Variants in ITGA9 observed in about 807,000 individuals in gnomAD.
The protein encoded by ITGA9 is integrin subunit alpha 9, also known as integrin alpha-9.
A neutral mutation model predicts 127.8 loss-of-function variants in ITGA9; 56 were observed. The observed-to-expected ratio is 0.44, with a 90% CI of 0.35 to 0.55. The LOEUF is 0.55. ITGA9 is among the 20% of genes least tolerant of loss of function. ITGA9 has a pLI of 0.00. For synonymous variants in ITGA9, 508 were observed against 514.5 expected (o/e 0.99, Z 0.17); for missense variants, 1,196 against 1,347.1 (o/e 0.89, Z 1.76).
intron 6 of ITGA9, among the ~76,000 whole-genome samples, chr3:37,504,894 G>C (rs545434119): frequency 9.9e-5 from 15 of 152,194 alleles, no homozygotes; most frequent in Admixed American, 8.5e-4. Context: ...GTGATGACAA[G>C]TTTGGGGATT....
chr3:37,508,580 C>T lies in ITGA9; in HGVS notation c.850C>T (p.Arg284Ter), dbSNP rs778737263. 7.4e-6 allele frequency: 12 copies of T among 1,613,210 alleles called. No homozygotes were observed. Among genetic ancestry groups the T allele is most frequent in the Non-Finnish European group, 1.0e-5 (12 of 1,179,666 alleles). ...ATAGGTTTATATTTTCAGAGCTGAC[C>T]GAAGATCAGGCACCTTAATTAAGAT... Reference protein sequence around the residue: ...IGKVYIFRADRRSGTLIKIFQ... With the variant: ...IGKVYIFRAD The change falls in exon 8 of 28, where the codon CGA becomes TGA. Residue 284 changes from arginine to a stop codon, truncating the protein, a stop_gained. Transcript: ENST00000264741. LOFTEE classifies it high-confidence loss of function.
chr3:37,794,295 G>A (rs746933640), intron 26 of ITGA9, among the ~76,000 whole-genome samples: 6 of 152,290 alleles, frequency 3.9e-5, no homozygotes, highest in African/African-American at 4.8e-5. Flanking sequence ...GCCTGTTGGC[G>A]AGCCCTGAGT....
At chr3:37,473,766 C>T (rs1476939239) in intron 3 of ITGA9, among the ~76,000 whole-genome samples, 2 of 152,066 alleles carry the variant, frequency 1.3e-5, no homozygotes, top group Non-Finnish European at 2.9e-5. Context: ...TTACAGTACA[C>T]AAATCTTAAG....
At chr3:37,625,272 C>T (rs1041414810) in intron 15 of ITGA9, among the ~76,000 whole-genome samples, 12 of 152,242 alleles carry the variant, frequency 7.9e-5, no homozygotes, top group African/African-American at 1.9e-4. Context: ...GCGTTGTCAT[C>T]TCTTGTCTGT....
intron 18 of ITGA9, among the ~76,000 whole-genome samples, chr3:37,714,887 C>T (rs541884583): frequency 5.9e-5 from 9 of 152,316 alleles, no homozygotes; most frequent in South Asian, 4.1e-4. Flanking sequence ...CCACTGAATA[C>T]GGGCATCTGT....
At chr3:37,790,225 TC>T in intron 26 of ITGA9, 1 of 557,140 alleles carries the variant, frequency 1.8e-6, no homozygotes, top group South Asian at 1.4e-5. Context: ...AGACACAAGA[TC>T]TTTGGAATCA....
rs1697528030 is a variant in ITGA9 at position 37,822,674 on chromosome 3, C to G, written c.*3685C>G. ...TTTAAAACAAAAACCCAACAGCACT[C>G]CTGGGAACATCCTGTTTTCCATGCG... On this transcript the variant is annotated 3_prime_UTR_variant, in exon 28 of 28. Transcript: ENST00000264741. 1 of 152,250 alleles carries G rather than the reference C, an allele frequency of 6.6e-6. No homozygotes were observed. Among genetic ancestry groups the G allele is most frequent in the African/African-American group, 2.4e-5 (1 of 41,460 alleles). 9.4% of individuals were successfully genotyped at this position (152,250 alleles called of 1,614,324 possible). A position where few individuals can be genotyped will look rare whatever the true frequency, so the allele number is the denominator to read the frequency against.
intron 22 of ITGA9, chr3:37,748,608 A>T: frequency 2.0e-6 from 1 of 491,992 alleles, no homozygotes. Flanking sequence ...TTAGCCGGGG[A>T]TGGTGGCAGC....
intron 18 of ITGA9, among the ~76,000 whole-genome samples, chr3:37,710,288 CTCGT>C (rs1017961138): frequency 1.3e-5 from 2 of 151,908 alleles, no homozygotes; most frequent in Non-Finnish European, 2.9e-5. Flanking sequence ...GATTGGAACC[CTCGT>C]CCGTCTAATG....
intron 9 of ITGA9, among the ~76,000 whole-genome samples, chr3:37,515,596 G>A (rs577413858): frequency 1.3e-5 from 2 of 152,290 alleles, no homozygotes; most frequent in East Asian, 3.9e-4. Flanking sequence ...AAAAAAATTA[G>A]CCTGGTGTGG....
At chr3:37,480,289 G>A (rs1698539061) in intron 3 of ITGA9, among the ~76,000 whole-genome samples, 1 of 152,166 alleles carries the variant, frequency 6.6e-6, no homozygotes, top group Admixed American at 6.5e-5. Context: ...CTGCTCCAGT[G>A]TCTGTTAGCA....
At chr3:37,716,091 G>A (rs577507573) in intron 18 of ITGA9, among the ~76,000 whole-genome samples, 2 of 152,304 alleles carry the variant, frequency 1.3e-5, no homozygotes, top group South Asian at 2.1e-4. Context: ...CCCAATCAGG[G>A]ACAAAAGAGC....
At chr3:37,647,446 T>C (rs1700387915) in intron 16 of ITGA9, among the ~76,000 whole-genome samples, 1 of 146,250 alleles carries the variant, frequency 6.8e-6, no homozygotes. Flanking sequence ...ATCCATTGCC[T>C]AACATAGTTT....
intron 23 of ITGA9, among the ~76,000 whole-genome samples, chr3:37,774,224 T>G (rs923900628): frequency 4.7e-4 from 72 of 152,320 alleles, no homozygotes; most frequent in African/African-American, 1.7e-3. Context: ...AAATGGGCTT[T>G]CAAATATTTA....
intron 23 of ITGA9, among the ~76,000 whole-genome samples, chr3:37,772,138 G>T (rs528836552): frequency 6.6e-6 from 1 of 152,088 alleles, no homozygotes; most frequent in South Asian, 2.1e-4. Context: ...AGGGGCTGTG[G>T]CTCACACCTG....
intron 15 of ITGA9, among the ~76,000 whole-genome samples, chr3:37,595,818 C>T (rs1244811167): frequency 6.6e-6 from 1 of 152,242 alleles, no homozygotes; most frequent in African/African-American, 2.4e-5. Flanking sequence ...ATCCAGCCCT[C>T]AGCCTGGACC....
At chr3:37,482,566 T>A (rs1698568169) in intron 4 of ITGA9, among the ~76,000 whole-genome samples, 1 of 152,244 alleles carries the variant, frequency 6.6e-6, no homozygotes, top group Non-Finnish European at 1.5e-5. Context: ...GACAGAAGTC[T>A]CACTGGCTTA....
chr3:37,540,485 C>T (rs1699254775), intron 14 of ITGA9, among the ~76,000 whole-genome samples: 1 of 150,978 alleles, frequency 6.6e-6, no homozygotes, highest in Non-Finnish European at 1.5e-5. Flanking sequence ...GACCTGCTAT[C>T]CATGCATTCA....
At chr3:37,542,233 C>A (rs1699279966) in intron 14 of ITGA9, among the ~76,000 whole-genome samples, 192 bp from the exon 15 acceptor site, 1 of 152,148 alleles carries the variant, frequency 6.6e-6, no homozygotes, top group Non-Finnish European at 1.5e-5. Flanking sequence ...CATCATGCTT[C>A]TCTCTCGATT....
Sources: allele counts gnomAD v4.1 joint callset (sites outside exome capture counted in the v4.1 genomes callset), GRCh38; gene constraint gnomAD v4.1.1; transcripts MANE v1.5; gene names NCBI Gene and HGNC (gene_info 2026-07-23, HGNC 2026-07-21).